Variants in GNB1L observed in about 807,000 individuals in gnomAD.
GNB1L encodes the protein guanine nucleotide-binding protein subunit beta-like protein 1.
In GNB1L, 20 loss-of-function variants were observed where a neutral mutation model predicts 29.1. The observed-to-expected ratio is 0.69, with a 90% CI of 0.48 to 1.00. The LOEUF (loss-of-function observed/expected upper bound fraction) is 1.00, where lower values mean the gene tolerates loss of function less well. GNB1L is among the 50% of genes least tolerant of loss of function. GNB1L has a pLI of 0.00. For missense variants in GNB1L, 421 were observed against 464.9 expected (o/e 0.91, Z 0.87); for synonymous variants, 193 against 206.5 (o/e 0.93, Z 0.56).
At chr22:19,851,395 A>G (rs1601358074) in intron 2 of GNB1L, 1 of 1,614,026 alleles carries the variant, frequency 6.2e-7, no homozygotes, top group Non-Finnish European at 8.5e-7. Context: ...CTGGCTGGGA[A>G]GAGGCTGGTT....
chr22:19,851,177 G>C, intron 2 of GNB1L: 1 of 1,590,240 alleles, frequency 6.3e-7, no homozygotes, highest in East Asian at 2.3e-5. Context: ...TCAGAACCCA[G>C]GAGAAAGTGG....
chr22:19,804,322 T>C (rs1044080830), intron 6 of GNB1L, among the ~76,000 whole-genome samples: 15 of 152,176 alleles, frequency 9.9e-5, no homozygotes, highest in African/African-American at 3.6e-4. Flanking sequence ...TCCCATTGAC[T>C]GGCACCCCCA....
Position 19,820,721 on chromosome 22 carries a change from G to A in GNB1L, c.131C>T (p.Ser44Phe). 6.2e-7 allele frequency: 1 copy of A among 1,610,504 alleles called. No individual in the cohort carries two copies. The highest frequency in any genetic ancestry group is 8.5e-7 in the Non-Finnish European group (1 of 1,177,394). ...CCAGATGTGTACCAGGCCACTCTGAGACCTGTTTCAGACAAGCCGAGCAGG... is the reference window on the plus strand; with the variant it reads ...CCAGATGTGTACCAGGCCACTCTGAAACCTGTTTCAGACAAGCCGAGCAGG... ...AQGRPLLFSG[S>F]QSGLVHIWSL... Residue 44 changes from serine to phenylalanine, a missense_variant and splice_region_variant, in exon 4 of 8, where the codon TCT (serine) becomes TTT (phenylalanine). Coordinates refer to ENST00000329517, the MANE Select transcript of GNB1L (RefSeq NM_053004.3).
intron 7 of GNB1L, among the ~76,000 whole-genome samples, chr22:19,799,869 C>T (rs1937349778): frequency 6.6e-6 from 1 of 152,244 alleles, no homozygotes; most frequent in Non-Finnish European, 1.5e-5. Flanking sequence ...TCTCCAGGGC[C>T]TCTAGGATCA....
At chr22:19,822,978 G>A (rs1266418551) in intron 2 of GNB1L, among the ~76,000 whole-genome samples, 1 of 152,216 alleles carries the variant, frequency 6.6e-6, no homozygotes, top group Non-Finnish European at 1.5e-5. Flanking sequence ...CCTGCAGAGT[G>A]GAGGGTGGAC....
chr22:19,790,933 T>C (rs558753616), intron 7 of GNB1L, among the ~76,000 whole-genome samples: 1 of 152,014 alleles, frequency 6.6e-6, no homozygotes, highest in Non-Finnish European at 1.5e-5. Context: ...TATAAAAGAC[T>C]TAACAATGAT....
At position 19,796,970 on chromosome 22, in the gene GNB1L, C is replaced by A. The variant is rs567043451; in HGVS notation, c.732+5031G>T. On this transcript the variant is annotated intron_variant, in intron 7 of 7. Coordinates refer to ENST00000329517, the MANE Select transcript of GNB1L (RefSeq NM_053004.3). ...TGAATGCGGCAGAAATTTAAACAATCATCACAAGCAGTCCAAAAAAGGTCA... is the reference window on the plus strand; with the variant it reads ...TGAATGCGGCAGAAATTTAAACAATAATCACAAGCAGTCCAAAAAAGGTCA... Among the ~76,000 whole-genome samples, 6 of 152,306 alleles carry A rather than the reference C, an allele frequency of 3.9e-5. No homozygotes were observed. In the South Asian group the frequency reaches 1.2e-3, roughly 32 times the overall value.
chr22:19,808,558 C>T (rs955841977), intron 5 of GNB1L, among the ~76,000 whole-genome samples: 1 of 152,168 alleles, frequency 6.6e-6, no homozygotes, highest in Admixed American at 6.5e-5. Context: ...GCGGAAAAAC[C>T]GCTCAAGGAG....
intron 2 of GNB1L, chr22:19,851,569 G>A: frequency 1.2e-6 from 2 of 1,611,578 alleles, no homozygotes; most frequent in Non-Finnish European, 1.7e-6. Context: ...GTAAAGACCT[G>A]GGGGCAGTAC....
chr22:19,797,262 G>A (rs1329971449), intron 7 of GNB1L, among the ~76,000 whole-genome samples: 1 of 151,824 alleles, frequency 6.6e-6, no homozygotes, highest in African/African-American at 2.4e-5. Flanking sequence ...GGTGGTGGGA[G>A]AGGGAGGCCC....
At chr22:19,823,082 C>A (rs1027229976) in intron 2 of GNB1L, among the ~76,000 whole-genome samples, 6 of 152,126 alleles carry the variant, frequency 3.9e-5, no homozygotes, top group Non-Finnish European at 8.8e-5. Flanking sequence ...CCCTGCCTGG[C>A]GAGAGACCTC....
At chr22:19,801,975 T>C (rs1467610879) in intron 7 of GNB1L, 26 bp downstream of exon 7, 1 of 1,534,674 alleles carries the variant, frequency 6.5e-7, no homozygotes, top group Admixed American at 1.9e-5. Context: ...GCAGGATAAA[T>C]GAGACCCGGG....
In GNB1L at chr22:19,806,761, A is replaced by G. The variant is rs1937440830; in HGVS notation, c.418-4T>C. 1 of 1,606,184 alleles carries G rather than the reference A, an allele frequency of 6.2e-7. No homozygotes were observed. Among genetic ancestry groups the G allele is most frequent in the African/African-American group, 1.3e-5 (1 of 74,776 alleles). ...AGGGCATCTCCAGAATCTGAACCTG[A>G]CAGTAAGAAAACAAGTTGATTTGGG... On this transcript the variant is annotated splice_region_variant and splice_polypyrimidine_tract_variant and intron_variant, in intron 5 of 7. Coordinates refer to ENST00000329517, the MANE Select transcript of GNB1L (RefSeq NM_053004.3).
chr22:19,824,167 A>C (rs1268477373), intron 2 of GNB1L, among the ~76,000 whole-genome samples: 1 of 152,292 alleles, frequency 6.6e-6, no homozygotes, highest in Non-Finnish European at 1.5e-5. Flanking sequence ...CATCATTTCA[A>C]GTAATTAAAA....
intron 6 of GNB1L, among the ~76,000 whole-genome samples, chr22:19,803,704 C>T (rs888814524): frequency 2.0e-5 from 3 of 152,094 alleles, no homozygotes; most frequent in South Asian, 2.1e-4. Context: ...TGCGTCTGAA[C>T]TCACAGTGGG....
chr22:19,829,823 A>G lies in GNB1L; in HGVS notation c.-20-8448T>C, dbSNP rs1233469112. On this transcript the variant is annotated intron_variant, in intron 2 of 7. Transcript: ENST00000329517. Reference sequence around the variant, plus strand: ...TATTAAAATACGTAAACAAACAGACATTGATGCATTTCTTAGAGGTTAAAT... The same window carrying G: ...TATTAAAATACGTAAACAAACAGACGTTGATGCATTTCTTAGAGGTTAAAT... 2.0e-5 allele frequency among the ~76,000 whole-genome samples: 3 copies of G among 152,112 alleles called. No homozygotes were observed. The East Asian group carries it at 5.8e-4, about 29-fold the overall frequency.
chr22:19,812,679 ACTGATGG>A (rs1271568534), intron 4 of GNB1L, among the ~76,000 whole-genome samples: 1 of 152,138 alleles, frequency 6.6e-6, no homozygotes, highest in Non-Finnish European at 1.5e-5. Flanking sequence ...AAGGCTGTGG[ACTGATGG>A]CTGTCCAGCG....
chr22:19,796,112 G>C (rs551392895), intron 7 of GNB1L, among the ~76,000 whole-genome samples: 150 of 152,352 alleles, frequency 9.8e-4, no homozygotes, highest in African/African-American at 3.5e-3. Flanking sequence ...AACCTGGACT[G>C]AGCCATATTA....
At chr22:19,820,456 T>G in intron 4 of GNB1L, 142 bp downstream of exon 4, 1 of 868,712 alleles carries the variant, frequency 1.2e-6, no homozygotes, top group Non-Finnish European at 1.8e-6. Context: ...CTGCACACCC[T>G]GCCCTTGCTG....
Sources: allele counts gnomAD v4.1 joint callset (sites outside exome capture counted in the v4.1 genomes callset), GRCh38; gene constraint gnomAD v4.1.1; transcripts MANE v1.5; gene names NCBI Gene and HGNC (gene_info 2026-07-23, HGNC 2026-07-21).